MDN1: variants seen among roughly 807,000 people sequenced by gnomAD.
MDN1 encodes midasin.
In MDN1, 266 loss-of-function variants were observed where a neutral mutation model predicts 669.2. The observed-to-expected ratio is 0.40, with a 90% CI of 0.36 to 0.44. MDN1 has a LOEUF of 0.44. MDN1 is among the 20% of genes least tolerant of loss of function. The pLI is 1.00. For missense variants in MDN1, 5,940 were observed against 6,754.0 expected, an observed-to-expected ratio of 0.88 and a Z score of 4.22; for synonymous variants, 2,385 against 2,457.1, an observed-to-expected ratio of 0.97 and a Z score of 0.87.
intron 37 of MDN1, among the ~76,000 whole-genome samples, chr6:89,725,930 T>C (rs1010122789): frequency 2.5e-4 from 37 of 147,582 alleles, no homozygotes; most frequent in African/African-American, 8.7e-4. Flanking sequence ...TGGTATTTTA[T>C]ACACACACAC....
chr6:89,720,745 A>T (rs573571152), intron 40 of MDN1, among the ~76,000 whole-genome samples: 3 of 152,210 alleles, frequency 2.0e-5, no homozygotes, highest in South Asian at 4.1e-4. Context: ...GCTGTTAAAA[A>T]CTACTAAGAC....
intron 29 of MDN1, 90 bp from the exon 30 acceptor site, chr6:89,743,804 T>C: frequency 7.0e-7 from 1 of 1,423,156 alleles, no homozygotes; most frequent in Non-Finnish European, 9.7e-7. Context: ...AGAACCACTG[T>C]GGGAGTCTCA....
intron 41 of MDN1, 30 bp from the exon 42 acceptor site, chr6:89,719,060 A>G (rs1289427426): frequency 1.9e-6 from 3 of 1,613,934 alleles, no homozygotes; most frequent in Non-Finnish European, 2.5e-6. Context: ...AGATTTCCAT[A>G]AGCGTGCCTG....
At chr6:89,649,934 C>A in intron 97 of MDN1, 90 bp downstream of exon 97, 1 of 1,309,744 alleles carries the variant, frequency 7.6e-7, no homozygotes, top group South Asian at 1.2e-5. Context: ...AAAGCATTAG[C>A]CATATCATAT....
intron 88 of MDN1, among the ~76,000 whole-genome samples, chr6:89,660,310 G>C (rs569223694): frequency 2.6e-4 from 40 of 152,216 alleles, no homozygotes; most frequent in African/African-American, 9.2e-4. Context: ...CTCAGCTCCT[G>C]AGGAGCTGGG....
Position 89,676,122 on chromosome 6 carries a change from C to T in MDN1, c.12625G>A (p.Ala4209Thr). Residue 4209 changes from alanine to threonine, a missense_variant, in exon 77 of 102, where the codon GCA becomes ACA. Ala to Thr is a moderately conservative substitution (Grantham distance 58, BLOSUM62 0). Coordinates refer to ENST00000369393, the MANE Select transcript of MDN1 (RefSeq NM_014611.3). ...TCTACCTTGGCAGGAGTTGCTAGTG[C>T]TGCGTTAAGCCTGGCATGCCGTGCA... The part of the protein sequence containing the change: ...SLARHARLNA[A>T]LATPAKEMGM... 1 of 1,614,184 alleles carries T rather than the reference C, an allele frequency of 6.2e-7. No homozygotes were observed. The highest frequency in any genetic ancestry group is 8.5e-7 in the Non-Finnish European group (1 of 1,180,028).
At chr6:89,666,346 A>G (rs1316734562) in intron 84 of MDN1, among the ~76,000 whole-genome samples, 1 of 152,038 alleles carries the variant, frequency 6.6e-6, no homozygotes, top group African/African-American at 2.4e-5. Context: ...GCCCACTGCA[A>G]CCTCTGCCTC....
intron 1 of MDN1, among the ~76,000 whole-genome samples, chr6:89,812,769 G>A: frequency 6.6e-6 from 1 of 152,034 alleles, no homozygotes; most frequent in Admixed American, 6.6e-5. Flanking sequence ...TGTATTTTCA[G>A]CTAAAGAGAA....
intron 8 of MDN1, among the ~76,000 whole-genome samples, chr6:89,786,187 AG>A (rs1818948540): frequency 6.6e-6 from 1 of 152,198 alleles, no homozygotes; most frequent in African/African-American, 2.4e-5. Flanking sequence ...TGAACCCGGG[AG>A]GCAGAGGTTG....
intron 77 of MDN1, 144 bp downstream of exon 77, chr6:89,675,951 ATTTATAT>A (rs1811148724): frequency 1.5e-6 from 1 of 649,640 alleles, no homozygotes; most frequent in Non-Finnish European, 2.6e-6. Context: ...AATTACATTG[ATTTATAT>A]TTTAAGTTTA....
chr6:89,755,323 C>A (rs1252092010), intron 20 of MDN1, among the ~76,000 whole-genome samples: 5 of 148,482 alleles, frequency 3.4e-5, no homozygotes, highest in Non-Finnish European at 7.4e-5. Context: ...GCTGGCGTAT[C>A]ACTTGAGGCC....
At chr6:89,743,806 G>A (rs1816423352) in intron 29 of MDN1, 92 bp from the exon 30 acceptor site, 4 of 1,404,394 alleles carry the variant, frequency 2.8e-6, no homozygotes. Context: ...AACCACTGTG[G>A]GAGTCTCACT....
At chr6:89,711,980 A>T in intron 49 of MDN1, 56 bp downstream of exon 49, 1 of 1,421,934 alleles carries the variant, frequency 7.0e-7, no homozygotes, top group South Asian at 1.3e-5. Flanking sequence ...GAGGCACTTA[A>T]ATAGCATAAG....
At chr6:89,709,490 A>C (rs1027170663) in intron 50 of MDN1, among the ~76,000 whole-genome samples, 2 of 152,222 alleles carry the variant, frequency 1.3e-5, no homozygotes, top group Non-Finnish European at 2.9e-5. Flanking sequence ...TGTTTGTAAA[A>C]GTTACAATCC....
At chr6:89,729,677 GTTTTTTTTTTTT>G (rs35914010) in intron 35 of MDN1, among the ~76,000 whole-genome samples, 5 of 100,758 alleles carry the variant, frequency 5.0e-5, no homozygotes, top group Non-Finnish European at 7.8e-5. Flanking sequence ...TTTTGTTTTC[GTTTTTTTTTTTT>G]TTTTTTTTTG....
In MDN1 at chr6:89,655,887, T is replaced by C. The variant is rs1289811832; in HGVS notation, c.15367A>G (p.Thr5123Ala). 5.6e-6 allele frequency: 9 copies of C among 1,614,002 alleles called. No homozygotes were observed. In the Admixed American group the frequency reaches 6.7e-5, roughly 12 times the overall value. ...HNERVHKRLR[T>A]VDTDSHAEQG... is the part of the protein sequence containing the mutation. ...TCGGCATGGCTGTCCGTATCCACAG[T>C]CCTCAGCCTCTTGTGCACACGCTCA... is the stretch of plus-strand genomic sequence containing the variant. The change falls in exon 92 of 102, where the codon ACT (threonine) becomes GCT (alanine). Residue 5123 changes from threonine to alanine, a missense_variant. By Grantham distance (58) the Thr-to-Ala change is moderately conservative. Transcript: ENST00000369393.
rs1284169789 is a variant in MDN1, at chr6:89,656,625, T to TG, written c.15285+74_15285+75insC. On this transcript the variant is annotated intron_variant, in intron 91 of 101. Transcript: ENST00000369393. ...AGGAGTATAGCTTTTTTTTTTTTTT[T>TG]TTAAAGCACTACGTTTGGAACATCT... is the stretch of plus-strand genomic sequence containing the variant. 2.6e-6 allele frequency: 3 copies of TG among 1,139,014 alleles called. No individual in the cohort carries two copies. The African/African-American group carries it at 4.7e-5, about 18-fold the overall frequency. The allele number at this position is 1,139,014 out of a possible 1,614,324, so 70.6% of individuals were successfully genotyped here.
chr6:89,753,812 G>C (rs1817087810), intron 21 of MDN1, among the ~76,000 whole-genome samples, 190 bp from the exon 22 acceptor site: 1 of 152,150 alleles, frequency 6.6e-6, no homozygotes, highest in Non-Finnish European at 1.5e-5. Flanking sequence ...ACTTTGGGAG[G>C]CCAAGGCAGG....
At chr6:89,716,246 T>C (rs1163926195) in intron 44 of MDN1, among the ~76,000 whole-genome samples, 1 of 152,228 alleles carries the variant, frequency 6.6e-6, no homozygotes, top group Non-Finnish European at 1.5e-5. Context: ...TCAAGAATGA[T>C]ACATGGTTGA....
Sources: gnomAD v4.1 joint callset for allele counts (sites outside exome capture counted in the v4.1 genomes callset) on GRCh38, gnomAD v4.1.1 for gene constraint, MANE v1.5 for transcripts, NCBI Gene and HGNC (gene_info 2026-07-23, HGNC 2026-07-21) for gene names.